SLC9A2: variants seen among roughly 807,000 people sequenced by gnomAD.
SLC9A2 encodes the protein sodium/hydrogen exchanger 2.
A neutral mutation model predicts 71.7 loss-of-function variants in SLC9A2; 42 were observed. The observed-to-expected ratio is 0.59, with a 90% confidence interval of 0.46 to 0.76. The LOEUF (loss-of-function observed/expected upper bound fraction) is 0.76, where lower values mean the gene tolerates loss of function less well. Ranked by LOEUF, SLC9A2 falls within the 30% of genes least tolerant of loss-of-function variation. SLC9A2 has a pLI of 0.00. For missense variants in SLC9A2, 829 were observed against 1,017.4 expected (o/e 0.81, Z 2.52); for synonymous variants, 396 against 392.5 (o/e 1.01, Z -0.10).
intron 3 of SLC9A2, among the ~76,000 whole-genome samples, chr2:102,682,696 T>C (rs1221177305): frequency 1.3e-5 from 2 of 152,116 alleles, no homozygotes; most frequent in Non-Finnish European, 2.9e-5. Flanking sequence ...GACTCAGAAC[T>C]AAGGATAAAA....
At chr2:102,641,492 T>C (rs887026375) in intron 1 of SLC9A2, among the ~76,000 whole-genome samples, 1 of 151,602 alleles carries the variant, frequency 6.6e-6, no homozygotes, top group African/African-American at 2.4e-5. Context: ...GAGAAGACCC[T>C]CAGACCCTTC....
intron 4 of SLC9A2, 60 bp from the exon 5 acceptor site, chr2:102,684,074 T>G: frequency 8.3e-7 from 1 of 1,204,934 alleles, no homozygotes; most frequent in Non-Finnish European, 1.2e-6. Context: ...AATGAGTCTA[T>G]GTATTTTCAT....
chr2:102,637,662 G>A (rs1676494466), intron 1 of SLC9A2, among the ~76,000 whole-genome samples: 1 of 152,144 alleles, frequency 6.6e-6, no homozygotes, highest in Admixed American at 6.5e-5. Context: ...GTGCTGTACT[G>A]GACCTGCCAG....
chr2:102,695,829 A>ATATATATAAAAG (rs1558723340), intron 7 of SLC9A2, among the ~76,000 whole-genome samples: 2 of 126,146 alleles, frequency 1.6e-5, no homozygotes, highest in Admixed American at 9.0e-5. Context: ...ATATATAAAA[A>ATATATATAAAAG]GCTAAAATTA....
chr2:102,635,576 A>C (rs951278410), intron 1 of SLC9A2, among the ~76,000 whole-genome samples: 1 of 152,250 alleles, frequency 6.6e-6, no homozygotes, highest in Non-Finnish European at 1.5e-5. Context: ...CTCGCTGTCC[A>C]TCCCTCCTCA....
At chr2:102,678,166 T>A (rs1677377290) in intron 3 of SLC9A2, among the ~76,000 whole-genome samples, 1 of 152,140 alleles carries the variant, frequency 6.6e-6, no homozygotes, top group Non-Finnish European at 1.5e-5. Context: ...TCTCTTTGTG[T>A]CTGTTTCTTC....
chr2:102,665,114 G>A lies in SLC9A2; in HGVS notation c.768G>A (p.Leu256=), dbSNP rs764415491. The A allele has an allele frequency of 6.2e-6, 10 of 1,612,640 alleles. No homozygotes were observed. In the East Asian group the frequency reaches 2.2e-4, roughly 36 times the overall value. Residue 256 remains leucine (L), a synonymous_variant, in exon 3 of 12, where the codon TTG becomes TTA. Coordinates refer to ENST00000233969, the MANE Select transcript of SLC9A2 (RefSeq NM_003048.6). ...NDAVTVVLYN[L]FKSFCQMKTI... ...TTTTCCTGCAGGTCCTGTACAACTT[G>A]TTCAAGTCGTTTTGCCAGATGAAAA...
chr2:102,673,274 G>T (rs936780599), intron 3 of SLC9A2, among the ~76,000 whole-genome samples: 2 of 152,086 alleles, frequency 1.3e-5, no homozygotes, highest in African/African-American at 4.8e-5. Flanking sequence ...GGAAAAATTG[G>T]TACAACGCAT....
chr2:102,708,986 C>T lies in SLC9A2; in HGVS notation c.*497C>T, dbSNP rs1407495833. Reference sequence around the variant, plus strand: ...GCTCAGCGTGGAAGCTTTTCCCTGTCCTGACCCGATGGAGCAGCCGGTAAG... The same window carrying T: ...GCTCAGCGTGGAAGCTTTTCCCTGTTCTGACCCGATGGAGCAGCCGGTAAG... On this transcript the variant is annotated 3_prime_UTR_variant, in exon 12 of 12. Coordinates refer to ENST00000233969, the MANE Select transcript of SLC9A2 (RefSeq NM_003048.6). The T allele has an allele frequency of 6.4e-6, 1 of 156,094 alleles. No individual in the cohort carries two copies. The highest frequency in any genetic ancestry group is 2.4e-5 in the African/African-American group (1 of 41,456). The allele number at this position is 156,094 out of a possible 1,614,324, so 9.7% of individuals were successfully genotyped here.
At chr2:102,659,274 C>CA (rs11297336) in intron 2 of SLC9A2, among the ~76,000 whole-genome samples, 1,790 of 130,422 alleles carry the variant, frequency 0.014, 15 homozygotes, top group Non-Finnish European at 0.015. Flanking sequence ...ACTAAAAATA[C>CA]AAAAAAAAAA....
chr2:102,705,831 A>G lies in SLC9A2; in HGVS notation c.1978-15A>G. ...ATTTGTATAGTTTAAGTAAGATTTT[A>G]TATTTCTTTTACAGGCTTCCACTTC... On this transcript the variant is annotated splice_polypyrimidine_tract_variant and intron_variant, in intron 10 of 11. Coordinates refer to ENST00000233969, the MANE Select transcript of SLC9A2 (RefSeq NM_003048.6). 2 of 1,511,176 alleles carry G rather than the reference A, an allele frequency of 1.3e-6. No homozygotes were observed. The highest frequency in any genetic ancestry group is 1.8e-6 in the Non-Finnish European group (2 of 1,104,368). 93.6% of individuals were successfully genotyped at this position (1,511,176 alleles called of 1,614,324 possible). A position where few individuals can be genotyped will look rare whatever the true frequency, so the allele number is the denominator to read the frequency against.
intron 1 of SLC9A2, among the ~76,000 whole-genome samples, chr2:102,652,422 T>A (rs187354545): frequency 3.6e-4 from 55 of 152,254 alleles, no homozygotes; most frequent in Non-Finnish European, 7.1e-4. Flanking sequence ...ATGCACCTCT[T>A]TCCCATGGCG....
intron 1 of SLC9A2, among the ~76,000 whole-genome samples, chr2:102,655,307 CCA>C (rs1217481347): frequency 6.6e-6 from 1 of 151,376 alleles, no homozygotes. Flanking sequence ...GCACCCGCCA[CCA>C]CACCCAGCTA....
intron 3 of SLC9A2, among the ~76,000 whole-genome samples, chr2:102,670,268 G>A (rs901799015): frequency 9.3e-5 from 14 of 151,294 alleles, no homozygotes; most frequent in Non-Finnish European, 1.3e-4. Flanking sequence ...CGCCCACCTC[G>A]GCCTCCCAAA....
rs1255204837 is a variant in SLC9A2, at chr2:102,708,462, A to G, written c.2412A>G (p.Lys804=). ...GGGCATCGGAACCTGGAAGCCGGAA[A>G]GCCCGATTTGGGAGTGAGAAGCCTT... ...VWRASEPGSR[K]ARFGSEKP The change falls in exon 12 of 12, where the codon AAA becomes AAG. Residue 804 remains lysine, a synonymous_variant. Transcript: ENST00000233969. 6.2e-7 allele frequency: 1 copy of G among 1,614,162 alleles called. No homozygotes were observed. The highest frequency in any genetic ancestry group is 8.5e-7 in the Non-Finnish European group (1 of 1,180,014).
At chr2:102,674,280 G>T (rs542271052) in intron 3 of SLC9A2, among the ~76,000 whole-genome samples, 2 of 152,088 alleles carry the variant, frequency 1.3e-5, no homozygotes, top group African/African-American at 4.8e-5. Flanking sequence ...GACATGATAC[G>T]TGTCCCAAGG....
At chr2:102,695,186 A>G in intron 7 of SLC9A2, 73 bp downstream of exon 7, 2 of 1,051,524 alleles carry the variant, frequency 1.9e-6, no homozygotes, top group African/African-American at 1.6e-5. Flanking sequence ...ACTGATTTGT[A>G]TTATTTTTTA....
At chr2:102,675,904 T>C (rs922347269) in intron 3 of SLC9A2, among the ~76,000 whole-genome samples, 10 of 152,242 alleles carry the variant, frequency 6.6e-5, no homozygotes, top group African/African-American at 1.9e-4. Context: ...TAAATGTTAA[T>C]GTGTTTAGGA....
At chr2:102,652,252 T>A (rs1676849435) in intron 1 of SLC9A2, among the ~76,000 whole-genome samples, 1 of 152,214 alleles carries the variant, frequency 6.6e-6, no homozygotes, top group African/African-American at 2.4e-5. Flanking sequence ...CTTCTCCCTG[T>A]CACTCCATGG....
Sources: gnomAD v4.1 joint callset for allele counts (sites outside exome capture counted in the v4.1 genomes callset) on GRCh38, gnomAD v4.1.1 for gene constraint, MANE v1.5 for transcripts, NCBI Gene and HGNC (gene_info 2026-07-23, HGNC 2026-07-21) for gene names.